Variants in ABLIM3 observed in about 807,000 individuals in gnomAD.
ABLIM3 encodes actin-binding LIM protein 3.
ABLIM3 carries 61 observed loss-of-function variants against 109.5 expected under a neutral mutation model. The ratio of observed to expected loss-of-function variants is 0.56; its 90% CI spans 0.45 to 0.69. The LOEUF (loss-of-function observed/expected upper bound fraction) is 0.69, where lower values mean the gene tolerates loss of function less well. Ranked by LOEUF, ABLIM3 falls within the 30% of genes least tolerant of loss-of-function variation. ABLIM3 has a pLI of 0.00. For synonymous variants in ABLIM3, 300 were observed against 324.8 expected (o/e 0.92, Z 0.82); for missense variants, 796 against 889.5 (o/e 0.89, Z 1.34).
chr5:149,162,913 C>G lies in ABLIM3; in HGVS notation c.14-20539C>G, dbSNP rs1199639572. On this transcript the variant is annotated intron_variant, in intron 2 of 23. Transcript: ENST00000309868. The stretch of plus-strand genomic sequence containing the variant: ...TAACCCAGCTGAACAGGAAGCATCT[C>G]TGGCGTGTCTGTTTTGGAGTGGGAA... 2.6e-5 allele frequency among the ~76,000 whole-genome samples: 4 copies of G among 152,222 alleles called. No individual in the cohort carries two copies. In the East Asian group the frequency reaches 5.8e-4, roughly 22 times the overall value.
intron 2 of ABLIM3, among the ~76,000 whole-genome samples, chr5:149,164,694 A>G (rs1462773295): frequency 6.6e-6 from 1 of 152,206 alleles, no homozygotes; most frequent in Non-Finnish European, 1.5e-5. Context: ...GAAGCGCATG[A>G]CATGAGATTT....
chr5:149,152,936 C>T (rs114775811), intron 2 of ABLIM3, among the ~76,000 whole-genome samples: 1,551 of 152,122 alleles, frequency 0.01, 10 homozygotes, highest in Non-Finnish European at 0.017. Flanking sequence ...CAGATTCTTC[C>T]TTATTCCTCA....
intron 7 of ABLIM3, among the ~76,000 whole-genome samples, chr5:149,214,605 GGAA>G (rs1759869528): frequency 6.6e-6 from 1 of 152,180 alleles, no homozygotes; most frequent in African/African-American, 2.4e-5. Context: ...GACTGTTTCT[GGAA>G]GAAGGAGGAA....
At chr5:149,154,731 C>T (rs898185744) in intron 2 of ABLIM3, among the ~76,000 whole-genome samples, 22 of 152,222 alleles carry the variant, frequency 1.4e-4, no homozygotes, top group African/African-American at 4.1e-4. Flanking sequence ...TTTCTCTCAT[C>T]CTCCTTTGAC....
chr5:149,210,647 A>G lies in ABLIM3; in HGVS notation c.576-79A>G. 5.8e-6 allele frequency: 7 copies of G among 1,202,700 alleles called. No homozygotes were observed. The South Asian group carries it at 8.5e-5, about 15-fold the overall frequency. The allele number at this position is 1,202,700 out of a possible 1,614,324, so 74.5% of individuals were successfully genotyped here. The stretch of plus-strand genomic sequence containing the variant: ...CTTTGGCTCAGTCAACATAGGCTGC[A>G]GGTCCAGAATCTAAATGCCATGTGC... On this transcript the variant is annotated intron_variant, in intron 6 of 23. Coordinates refer to ENST00000309868, the MANE Select transcript of ABLIM3 (RefSeq NM_014945.5).
chr5:149,203,758 C>T (rs1758710288), intron 5 of ABLIM3, among the ~76,000 whole-genome samples: 1 of 152,160 alleles, frequency 6.6e-6, no homozygotes, highest in Non-Finnish European at 1.5e-5. Context: ...ACTGTCAACA[C>T]CAACAATATC....
chr5:149,158,898 T>C (rs1754077894), intron 2 of ABLIM3, among the ~76,000 whole-genome samples: 1 of 152,184 alleles, frequency 6.6e-6, no homozygotes, highest in African/African-American at 2.4e-5. Context: ...AACCACCTTT[T>C]TACAGCCTCC....
At chr5:149,237,154 A>G (rs1027707623) in intron 10 of ABLIM3, among the ~76,000 whole-genome samples, 11 of 152,182 alleles carry the variant, frequency 7.2e-5, no homozygotes, top group Non-Finnish European at 1.2e-4. Flanking sequence ...AGAAAATAGA[A>G]ATGATATTGA....
chr5:149,158,625 G>A (rs1754058750), intron 2 of ABLIM3, among the ~76,000 whole-genome samples: 1 of 152,128 alleles, frequency 6.6e-6, no homozygotes, highest in Non-Finnish European at 1.5e-5. Flanking sequence ...ACCATCACTA[G>A]TACTGTTACA....
intron 2 of ABLIM3, among the ~76,000 whole-genome samples, chr5:149,165,951 A>G (rs1325439045): frequency 6.6e-6 from 1 of 152,170 alleles, no homozygotes. Flanking sequence ...GGTTGCTTTT[A>G]TTTGCTTAGA....
Position 149,258,630 on chromosome 5 carries a change from CT to C in ABLIM3, c.*230del, listed in dbSNP as rs772397562. The C allele has an allele frequency of 4.1e-4, 523 of 1,271,450 alleles. 2 individuals are homozygous for C. The highest frequency in any genetic ancestry group is 5.0e-4 in the Non-Finnish European group (507 of 1,009,532). The allele number at this position is 1,271,450 out of a possible 1,614,324, so 78.8% of individuals were successfully genotyped here. ...GGAAGGGATTTGAGGGGACTCTGTCCTTTTATTGGGGATCCTTTTTATACTG... is the reference window on the plus strand; with the variant it reads ...GGAAGGGATTTGAGGGGACTCTGTCCTTTATTGGGGATCCTTTTTATACTG... On this transcript the variant is annotated 3_prime_UTR_variant, in exon 24 of 24. Coordinates refer to ENST00000309868, the MANE Select transcript of ABLIM3 (RefSeq NM_014945.5).
In ABLIM3 at chr5:149,154,620, T is replaced by C. The variant is rs77402233; in HGVS notation, c.13+12512T>C. Among the ~76,000 whole-genome samples, 920 of 152,360 alleles carry C rather than the reference T, an allele frequency of 6.0e-3. 12 individuals are homozygous for C. Among genetic ancestry groups the C allele is most frequent in the African/African-American group, 0.021 (884 of 41,586 alleles). ...TTACATGGGCCTTCCTTGAATTCTG[T>C]GTCTAGGGAATATCCCCATGTTATA... On this transcript the variant is annotated intron_variant, in intron 2 of 23. Coordinates refer to ENST00000309868, the MANE Select transcript of ABLIM3 (RefSeq NM_014945.5).
intron 7 of ABLIM3, among the ~76,000 whole-genome samples, chr5:149,211,531 A>T (rs1041617123): frequency 6.6e-6 from 1 of 152,082 alleles, no homozygotes; most frequent in South Asian, 2.1e-4. Flanking sequence ...TCTAGTATTG[A>T]CTCTACTCCT....
intron 2 of ABLIM3, among the ~76,000 whole-genome samples, chr5:149,145,940 C>T (rs1580972694): frequency 6.6e-6 from 1 of 152,112 alleles, no homozygotes; most frequent in African/African-American, 2.4e-5. Flanking sequence ...TGGGTGCCAC[C>T]AGGCCCAGTT....
intron 2 of ABLIM3, among the ~76,000 whole-genome samples, chr5:149,179,334 A>G (rs1371387209): frequency 2.0e-5 from 3 of 152,160 alleles, no homozygotes; most frequent in Non-Finnish European, 4.4e-5. Context: ...TTTGTCTTAA[A>G]AAATTATACC....
chr5:149,161,121 C>CTT (rs1247871332), intron 2 of ABLIM3, among the ~76,000 whole-genome samples: 1 of 152,210 alleles, frequency 6.6e-6, no homozygotes, highest in Non-Finnish European at 1.5e-5. Context: ...GGTCCGGAGC[C>CTT]TGTCCTCTAG....
chr5:149,203,250 C>A (rs1343744703), intron 5 of ABLIM3, among the ~76,000 whole-genome samples: 1 of 151,902 alleles, frequency 6.6e-6, no homozygotes. Context: ...CCATCATCAC[C>A]ACCAACACCA....
Position 149,208,386 on chromosome 5 carries a change from CAATT to C in ABLIM3, c.575+1253_575+1256del, listed in dbSNP as rs66516288. Reference sequence around the variant, plus strand: ...TCTCTCTCTCTCTCTCTCTCTCTCTCAATTTCTCTTTCTCTCTCTCTGTCTCTCT... The same window carrying C: ...TCTCTCTCTCTCTCTCTCTCTCTCTCTCTCTTTCTCTCTCTCTGTCTCTCT... On this transcript the variant is annotated intron_variant, in intron 6 of 23. Coordinates refer to ENST00000309868, the MANE Select transcript of ABLIM3 (RefSeq NM_014945.5). Among the ~76,000 whole-genome samples the C allele has an allele frequency of 5.8e-3, 379 of 65,002 alleles. 1 individual carries two copies. The highest frequency in any genetic ancestry group is 0.017 in the East Asian group (29 of 1,706). The allele number at this position is 65,002 out of a possible 152,430, so 42.6% of individuals were successfully genotyped here.
In ABLIM3 at chr5:149,258,812, G is replaced by A. The variant is rs1401367706; in HGVS notation, c.*408G>A. On this transcript the variant is annotated 3_prime_UTR_variant, in exon 24 of 24. Coordinates refer to ENST00000309868, the MANE Select transcript of ABLIM3 (RefSeq NM_014945.5). Reference sequence around the variant, plus strand: ...TTTCCACACCTTATTGGCCCCAGAGGGGCCCTCCCATGGGAAGATCTGCAG... The same window carrying A: ...TTTCCACACCTTATTGGCCCCAGAGAGGCCCTCCCATGGGAAGATCTGCAG... The A allele has an allele frequency of 4.0e-6, 4 of 991,124 alleles. No homozygotes were observed. The highest frequency in any genetic ancestry group is 4.8e-6 in the Non-Finnish European group (4 of 833,908). 61.4% of individuals were successfully genotyped at this position (991,124 alleles called of 1,614,324 possible).
Sources: gnomAD v4.1 joint callset for allele counts (sites outside exome capture counted in the v4.1 genomes callset) on GRCh38, gnomAD v4.1.1 for gene constraint, MANE v1.5 for transcripts, NCBI Gene and HGNC (gene_info 2026-07-23, HGNC 2026-07-21) for gene names.